The following SV2C variants were observed in gnomAD, a reference collection of about 807,000 sequenced individuals.
The protein encoded by SV2C is synaptic vesicle glycoprotein 2C, also known as solute carrier family 22 member B3.
SV2C carries 49 observed loss-of-function variants against 79.7 expected under a neutral mutation model. That is an observed-to-expected ratio of 0.61 (90% CI 0.49 to 0.78). The LOEUF is 0.78. SV2C is among the 30% of genes least tolerant of loss of function. SV2C has a pLI of 0.00. For synonymous variants in SV2C, 334 were observed against 333.2 expected, an observed-to-expected ratio of 1.00 and a Z score of -0.03; for missense variants, 833 against 912.9, an observed-to-expected ratio of 0.91 and a Z score of 1.13.
intron 12 of SV2C, among the ~76,000 whole-genome samples, chr5:76,315,636 C>A (rs1056162348): frequency 6.6e-6 from 1 of 151,930 alleles, no homozygotes; most frequent in African/African-American, 2.4e-5. Context: ...GGAAGGGTAG[C>A]GTGGAGGGAA....
chr5:75,972,348 G>C, the SV2C span, among the ~76,000 whole-genome samples: 1 of 152,052 alleles, frequency 6.6e-6, no homozygotes, highest in Non-Finnish European at 1.5e-5. Flanking sequence ...AAACTAAAGA[G>C]CTTCTGCACA....
Position 76,285,091 on chromosome 5 carries a change from A to G in SV2C, c.914-71A>G, listed in dbSNP as rs137965966. The G allele has an allele frequency of 9.7e-4, 1,538 of 1,584,544 alleles. 6 individuals are homozygous for G. Among genetic ancestry groups the G allele is most frequent in the Middle Eastern group, 9.7e-3 (49 of 5,068 alleles). On this transcript the variant is annotated intron_variant, in intron 4 of 12. Transcript: ENST00000502798. ...TGACTAATAAGTCCATGGTTCGGGC[A>G]TCCCGGGTGATGTTCCCAGGAGGCT... is the stretch of plus-strand genomic sequence containing the variant.
intron 12 of SV2C, among the ~76,000 whole-genome samples, chr5:76,322,790 G>T (rs933194112): frequency 3.3e-5 from 5 of 152,124 alleles, no homozygotes; most frequent in African/African-American, 7.2e-5. Flanking sequence ...ATGGGGAAAA[G>T]ATCTCCTATT....
chr5:76,071,009 A>G, the SV2C span, among the ~76,000 whole-genome samples: 7 of 152,148 alleles, frequency 4.6e-5, no homozygotes, highest in African/African-American at 1.7e-4. Flanking sequence ...GATGGAACCC[A>G]CCATACTTTT....
At chr5:76,068,479 C>T in the SV2C span, among the ~76,000 whole-genome samples, 1 of 152,022 alleles carries the variant, frequency 6.6e-6, no homozygotes, top group Admixed American at 6.6e-5. Context: ...TCTTCGTCCA[C>T]ACTTGAGATT....
upstream of SV2C, chr5:76,079,463 G>C (rs942715631): frequency 6.8e-6 from 2 of 292,286 alleles, no homozygotes; most frequent in Middle Eastern, 1.4e-3. Flanking sequence ...GCACACCAAA[G>C]AAGGGAGAGA....
At chr5:76,023,632 C>G in the SV2C span, among the ~76,000 whole-genome samples, 1 of 147,708 alleles carries the variant, frequency 6.8e-6, no homozygotes, top group Non-Finnish European at 1.5e-5. Flanking sequence ...TCCTCCATCC[C>G]TAGCACATAT....
At chr5:75,884,252 C>G in the SV2C span, among the ~76,000 whole-genome samples, 2 of 152,116 alleles carry the variant, frequency 1.3e-5, no homozygotes, top group Non-Finnish European at 2.9e-5. Flanking sequence ...CTCATAAATG[C>G]TTGACTTTTG....
At chr5:76,073,522 TATATATATATATATATATATATAC>T in the SV2C span, among the ~76,000 whole-genome samples, 2 of 124,698 alleles carry the variant, frequency 1.6e-5, no homozygotes, top group African/African-American at 3.3e-5. Context: ...TATATATATA[TATATATATATATATATATATATAC>T]ACCATGGAAT....
chr5:75,938,247 G>A, the SV2C span, among the ~76,000 whole-genome samples: 1 of 152,114 alleles, frequency 6.6e-6, no homozygotes, highest in Non-Finnish European at 1.5e-5. Context: ...TAACTACACT[G>A]TGGTAAATGA....
chr5:76,319,914 A>G (rs1466210990), intron 12 of SV2C, among the ~76,000 whole-genome samples: 1 of 152,166 alleles, frequency 6.6e-6, no homozygotes, highest in East Asian at 1.9e-4. Flanking sequence ...TATCAGCAAC[A>G]TACACTCAGG....
the SV2C span, among the ~76,000 whole-genome samples, chr5:76,016,776 T>G: frequency 5.9e-5 from 9 of 152,202 alleles, 1 homozygote; most frequent in Non-Finnish European, 2.9e-5. Context: ...CAGTTCTCTT[T>G]GTGTAAAAGA....
the SV2C span, among the ~76,000 whole-genome samples, chr5:76,049,556 A>G: frequency 6.6e-6 from 1 of 152,208 alleles, no homozygotes; most frequent in Non-Finnish European, 1.5e-5. Context: ...AATTTCTGCA[A>G]TGGGTATGGG....
At chr5:76,234,078 G>T (rs577773298) in intron 4 of SV2C, among the ~76,000 whole-genome samples, 45 of 152,188 alleles carry the variant, frequency 3.0e-4, no homozygotes, top group African/African-American at 1.0e-3. Flanking sequence ...AATGTTATTT[G>T]CTTAATATGT....
chr5:75,900,598 T>C, the SV2C span, among the ~76,000 whole-genome samples: 1 of 152,202 alleles, frequency 6.6e-6, no homozygotes, highest in Non-Finnish European at 1.5e-5. Flanking sequence ...TTCCTGAATC[T>C]GAATGTTGGC....
intron 4 of SV2C, among the ~76,000 whole-genome samples, chr5:76,220,951 C>T (rs1158542094): frequency 6.6e-6 from 1 of 152,142 alleles, no homozygotes; most frequent in Non-Finnish European, 1.5e-5. Context: ...AATTTCAAGA[C>T]AAAGAAAGTC....
chr5:76,251,015 T>C (rs1247918975), intron 4 of SV2C, among the ~76,000 whole-genome samples: 1 of 152,172 alleles, frequency 6.6e-6, no homozygotes, highest in East Asian at 1.9e-4. Context: ...CCCGACCCAC[T>C]GCAGTTACCA....
At chr5:76,298,384 C>T (rs1453328011) in intron 9 of SV2C, among the ~76,000 whole-genome samples, 1 of 152,118 alleles carries the variant, frequency 6.6e-6, no homozygotes, top group Admixed American at 6.5e-5. Context: ...GGTAGGAGGA[C>T]ATCCTTAAGT....
chr5:76,038,089 C>T, the SV2C span, among the ~76,000 whole-genome samples: 2 of 152,258 alleles, frequency 1.3e-5, no homozygotes, highest in East Asian at 3.8e-4. Context: ...CAATGCCTTG[C>T]CGTGCTTCGG....
Sources: allele counts gnomAD v4.1 joint callset (sites outside exome capture counted in the v4.1 genomes callset), GRCh38; gene constraint gnomAD v4.1.1; transcripts MANE v1.5; gene names NCBI Gene and HGNC (gene_info 2026-07-23, HGNC 2026-07-21).